MUC17: variants seen among roughly 807,000 people sequenced by gnomAD.
The protein encoded by MUC17 is mucin 17, cell surface associated, also known as mucin-17.
MUC17 carries 190 observed loss-of-function variants against 170.3 expected under a neutral mutation model. That is an observed-to-expected ratio of 1.12 (90% confidence interval 0.99 to 1.26). MUC17 has a LOEUF of 1.26. Among genes scored for constraint, MUC17 ranks in the 50% most tolerant of loss-of-function variants. MUC17 has a pLI of 0.00. For missense variants in MUC17, 6,415 were observed against 5,530.0 expected (o/e 1.16, Z -5.08); for synonymous variants, 2,325 against 2,002.5 (o/e 1.16, Z -4.30).
chr7:101,032,386 A>T lies in MUC17; in HGVS notation c.970A>T (p.Ile324Leu), dbSNP rs868429963. 4.3e-6 allele frequency: 7 copies of T among 1,613,624 alleles called. No homozygotes were observed. The Middle Eastern group carries it at 8.2e-4, about 190-fold the overall frequency. ...TCCTACAACGGCTGAAGGCACCAGC[A>T]TACCAACCTCAACTTATACTGAAGG... The part of the protein sequence containing the change: ...SSPTTAEGTS[I>L]PTSTYTEGST... The change falls in exon 3 of 13, where the codon ATA becomes TTA. Residue 324 changes from isoleucine to leucine, a missense_variant. Physicochemically the swap from Ile to Leu is conservative, Grantham distance 5 (BLOSUM62 2). Transcript: ENST00000306151.
At chr7:101,020,243 C>G in intron 1 of MUC17, 26 bp downstream of exon 1, 1 of 1,581,664 alleles carries the variant, frequency 6.3e-7, no homozygotes. Context: ...GCCCCGCTGC[C>G]CAAGAGGCCC....
Position 101,041,118 on chromosome 7 carries a change from G to T in MUC17, c.9702G>T (p.Val3234=), listed in dbSNP as rs1794686247. The change falls in exon 3 of 13, where the codon GTG becomes GTT. Residue 3234 remains valine (V), a synonymous_variant. Coordinates refer to ENST00000306151, the MANE Select transcript of MUC17 (RefSeq NM_001040105.2). ...GTGTACCTGTCAGCAACACGCCGGT[G>T]GCCAGTTCTGAGGCTAGCATCCTTT... ...LTSVPVSNTP[V]ASSEASILST... is the part of the protein sequence containing the mutation. 1 of 1,613,516 alleles carries T rather than the reference G, an allele frequency of 6.2e-7. No homozygotes were observed. The highest frequency in any genetic ancestry group is 1.3e-5 in the African/African-American group (1 of 74,830).
intron 6 of MUC17, 75 bp downstream of exon 6, chr7:101,049,457 T>G (rs1202027936): frequency 4.5e-6 from 7 of 1,541,100 alleles, no homozygotes; most frequent in Middle Eastern, 1.8e-4. Context: ...CAATTAGAAC[T>G]GTGCCCCCTG....
At chr7:101,047,505 C>T (rs937341291) in intron 3 of MUC17, among the ~76,000 whole-genome samples, 4 of 152,136 alleles carry the variant, frequency 2.6e-5, no homozygotes, top group Admixed American at 1.3e-4. Flanking sequence ...CTGTCCTGTG[C>T]ACCCCTGGGG....
At chr7:101,056,295 T>C (rs745900284) in intron 12 of MUC17, 25 bp downstream of exon 12, 1 of 1,612,892 alleles carries the variant, frequency 6.2e-7, no homozygotes, top group East Asian at 2.2e-5. Flanking sequence ...GATGGGATGC[T>C]GGCCTCCCCC....
chr7:101,038,643 G>C lies in MUC17; in HGVS notation c.7227G>C (p.Val2409=). The C allele has an allele frequency of 6.2e-7, 1 of 1,613,810 alleles. No homozygotes were observed. Among genetic ancestry groups the C allele is most frequent in the Non-Finnish European group, 8.5e-7 (1 of 1,179,962 alleles). The part of the protein sequence containing the change: ...LTSVPVSTMP[V]VSSEASTHST... ...GTGTGCCTGTCAGCACCATGCCGGTGGTCAGTTCTGAGGCTAGCACCCATT... is the reference window on the plus strand; with the variant it reads ...GTGTGCCTGTCAGCACCATGCCGGTCGTCAGTTCTGAGGCTAGCACCCATT... Residue 2409 remains valine (V), a synonymous_variant, in exon 3 of 13, where the codon GTG becomes GTC. Coordinates refer to ENST00000306151, the MANE Select transcript of MUC17 (RefSeq NM_001040105.2).
chr7:101,041,472 G>T lies in MUC17; in HGVS notation c.10056G>T (p.Val3352=), dbSNP rs758681326. The part of the protein sequence containing the change: ...LTNMSFSTTP[V]VSSEASTLST... ...ATATGTCTTTCAGCACCACGCCAGT[G>T]GTCAGTTCTGAGGCTAGCACCCTTT... The change falls in exon 3 of 13, where the codon GTG becomes GTT. Residue 3352 remains valine (V), a synonymous_variant. Coordinates refer to ENST00000306151, the MANE Select transcript of MUC17 (RefSeq NM_001040105.2). 4 of 1,613,596 alleles carry T rather than the reference G, an allele frequency of 2.5e-6. No homozygotes were observed. The highest frequency in any genetic ancestry group is 1.7e-5 in the Admixed American group (1 of 59,974).
intron 1 of MUC17, among the ~76,000 whole-genome samples, chr7:101,024,687 A>G (rs1054281822): frequency 4.0e-5 from 6 of 150,352 alleles, no homozygotes; most frequent in African/African-American, 1.5e-4. Context: ...ATAGCACTTG[A>G]GCACTGATCT....
intron 4 of MUC17, among the ~76,000 whole-genome samples, 170 bp from the exon 5 acceptor site, chr7:101,048,666 GAAAATGAAT>G (rs1794883914): frequency 6.6e-6 from 1 of 151,792 alleles, no homozygotes; most frequent in African/African-American, 2.4e-5. Flanking sequence ...AGAAAGAAAA[GAAAATGAAT>G]AAAAAGGAAA....
In MUC17 at chr7:101,043,104, G is replaced by A. The variant is rs140034397; in HGVS notation, c.11688G>A (p.Ser3896=). The change falls in exon 3 of 13, where the codon TCG becomes TCA. Residue 3896 remains serine (S), a synonymous_variant. Transcript: ENST00000306151. ...PTSFPGASIA[S]TPPLDTSTTF... is the part of the protein sequence containing the mutation. ...GCTTTCCTGGGGCCAGCATAGCTTC[G>A]ACACCTCCTCTTGACACAAGCACAA... is the stretch of plus-strand genomic sequence containing the variant. 1.5e-5 allele frequency: 25 copies of A among 1,614,030 alleles called. No homozygotes were observed. The highest frequency in any genetic ancestry group is 3.3e-5 in the Admixed American group (2 of 60,014).
chr7:101,042,438 A>G lies in MUC17; in HGVS notation c.11022A>G (p.Ser3674=), dbSNP rs1226133039. 1 of 1,613,746 alleles carries G rather than the reference A, an allele frequency of 6.2e-7. No individual in the cohort carries two copies. The highest frequency in any genetic ancestry group is 8.5e-7 in the Non-Finnish European group (1 of 1,179,922). ...TPVITSTQVS[S]SPVTPEGTTM... ...TGATCACTTCTACCCAAGTCAGTTC[A>G]TCTCCTGTGACTCCTGAAGGTACCA... The change falls in exon 3 of 13, where the codon TCA becomes TCG. Residue 3674 remains serine, a synonymous_variant. Coordinates refer to ENST00000306151, the MANE Select transcript of MUC17 (RefSeq NM_001040105.2).
At chr7:101,030,288 T>C (rs1261664699) in intron 1 of MUC17, among the ~76,000 whole-genome samples, 2 of 151,298 alleles carry the variant, frequency 1.3e-5, no homozygotes, top group African/African-American at 4.9e-5. Flanking sequence ...AGTGGTGTGA[T>C]CTTGGCTCAC....
chr7:101,042,659 C>T lies in MUC17; in HGVS notation c.11243C>T (p.Pro3748Leu), dbSNP rs773861290. ...AGCACCACCATGTCTGTGTCAATGC[C>T]CATGGAAATAAGCACCCTTGGGACC... is the stretch of plus-strand genomic sequence containing the variant. ...LDSTTMSVSM[P>L]MEISTLGTTI... The change falls in exon 3 of 13, where the codon CCC (proline) becomes CTC (leucine). Residue 3748 changes from proline to leucine, a missense_variant. Transcript: ENST00000306151. 4.3e-6 allele frequency: 7 copies of T among 1,613,858 alleles called. No individual in the cohort carries two copies. The East Asian group carries it at 1.6e-4, about 36-fold the overall frequency.
rs951389546 is a variant in MUC17, at chr7:101,037,564, C to G, written c.6148C>G (p.Pro2050Ala). ...ACGGACCACTCCATTAGCAGGTATG[C>G]CTGTCAGCACTACGCTTGTGGTCAG... is the stretch of plus-strand genomic sequence containing the variant. ...SERTTPLAGM[P>A]VSTTLVVSSE... Residue 2050 changes from proline (P) to alanine (A), a missense_variant, in exon 3 of 13, where the codon CCT (proline) becomes GCT (alanine). Coordinates refer to ENST00000306151, the MANE Select transcript of MUC17 (RefSeq NM_001040105.2). 6.2e-7 allele frequency: 1 copy of G among 1,613,836 alleles called. No homozygotes were observed. The highest frequency in any genetic ancestry group is 1.1e-5 in the South Asian group (1 of 91,044).
chr7:101,042,680 G>A lies in MUC17; in HGVS notation c.11264G>A (p.Gly3755Glu), dbSNP rs758989374. The A allele has an allele frequency of 3.7e-6, 6 of 1,613,698 alleles. No individual in the cohort carries two copies. The South Asian group carries it at 4.4e-5, about 12-fold the overall frequency. ...ATGCCCATGGAAATAAGCACCCTTG[G>A]GACCACTATTCTTGTCAGTACCACA... is the stretch of plus-strand genomic sequence containing the variant. ...VSMPMEISTL[G>E]TTILVSTTPV... Residue 3755 changes from glycine to glutamate, a missense_variant, in exon 3 of 13, where the codon GGG becomes GAG. By Grantham distance (98) the Gly-to-Glu change is moderately conservative. Coordinates refer to ENST00000306151, the MANE Select transcript of MUC17 (RefSeq NM_001040105.2).
At chr7:101,050,148 A>G (rs1053420941) in intron 6 of MUC17, among the ~76,000 whole-genome samples, 2 of 151,834 alleles carry the variant, frequency 1.3e-5, no homozygotes, top group Admixed American at 1.3e-4. Flanking sequence ...AAACCCAAAA[A>G]CCTCAAGGAT....
chr7:101,038,359 G>T lies in MUC17; in HGVS notation c.6943G>T (p.Glu2315Ter). The change falls in exon 3 of 13, where the codon GAA becomes TAA. Residue 2315 changes from glutamate to a stop codon, truncating the protein, a stop_gained. Coordinates refer to ENST00000306151, the MANE Select transcript of MUC17 (RefSeq NM_001040105.2). LOFTEE classifies it high-confidence loss of function. The part of the protein sequence containing the change: ...DSNTPFTTST[E>*]ASSPPPTAEG... ...CAACACTCCTTTCACTACTTCTACTGAAGCCAGTTCACCTCCTCCCACTGC... is the reference window on the plus strand; with the variant it reads ...CAACACTCCTTTCACTACTTCTACTTAAGCCAGTTCACCTCCTCCCACTGC... 1 of 1,613,466 alleles carries T rather than the reference G, an allele frequency of 6.2e-7. No individual in the cohort carries two copies.
intron 1 of MUC17, 38 bp downstream of exon 1, chr7:101,020,255 C>T: frequency 6.5e-7 from 1 of 1,547,258 alleles, no homozygotes; most frequent in East Asian, 2.3e-5. Flanking sequence ...AAGAGGCCCC[C>T]ATCCCAGGGG....
At chr7:101,030,282 G>C (rs1794255094) in intron 1 of MUC17, among the ~76,000 whole-genome samples, 2 of 150,722 alleles carry the variant, frequency 1.3e-5, no homozygotes, top group South Asian at 4.2e-4. Context: ...GAGTACAGTG[G>C]TGTGATCTTG....
Sources: allele counts gnomAD v4.1 joint callset (sites outside exome capture counted in the v4.1 genomes callset), GRCh38; gene constraint gnomAD v4.1.1; transcripts MANE v1.5; gene names NCBI Gene and HGNC (gene_info 2026-07-23, HGNC 2026-07-21).